COMMD1: variants seen among roughly 807,000 people sequenced by gnomAD.
The protein encoded by COMMD1 is copper metabolism domain containing 1, also known as COMM domain-containing protein 1.
Under a neutral mutation model 17.2 loss-of-function variants are expected in COMMD1, and 10 were observed. The ratio of observed to expected loss-of-function variants is 0.58; its 90% confidence interval spans 0.36 to 0.99. The LOEUF (loss-of-function observed/expected upper bound fraction) is 0.99. Among genes scored for constraint, COMMD1 ranks in the 50% least tolerant of loss-of-function variants. The pLI, the probability that COMMD1 is intolerant of heterozygous loss-of-function variation, is 0.01. For synonymous variants in COMMD1, 97 were observed against 91.6 expected (o/e 1.06, Z -0.34); for missense variants, 270 against 231.8 (o/e 1.17, Z -1.07).
intron 1 of COMMD1, among the ~76,000 whole-genome samples, chr2:61,893,106 A>G (rs375067084): frequency 3.3e-5 from 5 of 152,100 alleles, no homozygotes; most frequent in African/African-American, 9.7e-5. Context: ...ACCACAGGTG[A>G]TCTGCCCACC....
At chr2:62,073,682 G>A (rs758105234) in intron 2 of COMMD1, among the ~76,000 whole-genome samples, 2 of 152,034 alleles carry the variant, frequency 1.3e-5, no homozygotes, top group African/African-American at 4.8e-5. Flanking sequence ...CACTCAAATC[G>A]GCCCAGAATA....
chr2:62,119,966 GT>G (rs1467501331), intron 2 of COMMD1, among the ~76,000 whole-genome samples: 2 of 151,780 alleles, frequency 1.3e-5, no homozygotes, highest in Non-Finnish European at 2.9e-5. Context: ...GGATGACTTT[GT>G]TTATTTATTT....
intron 1 of COMMD1, among the ~76,000 whole-genome samples, chr2:61,900,295 T>TA (rs1289832110): frequency 6.6e-6 from 1 of 152,238 alleles, no homozygotes; most frequent in Non-Finnish European, 1.5e-5. Flanking sequence ...AGTGGGGACT[T>TA]ACAAGTTACA....
intron 2 of COMMD1, among the ~76,000 whole-genome samples, chr2:62,104,806 A>G (rs931218282): frequency 2.0e-5 from 3 of 152,082 alleles, no homozygotes; most frequent in Non-Finnish European, 2.9e-5. Context: ...TCTGTCTTCT[A>G]GGTTCAAGAA....
At position 62,131,787 on chromosome 2, in the gene COMMD1, C is replaced by T. The variant is rs181699788; in HGVS notation, c.463-4044C>T. 4.6e-5 allele frequency among the ~76,000 whole-genome samples: 7 copies of T among 152,246 alleles called. No individual in the cohort carries two copies. In the East Asian group the frequency reaches 1.3e-3, roughly 29 times the overall value. On this transcript the variant is annotated intron_variant, in intron 2 of 2. Coordinates refer to ENST00000311832, the MANE Select transcript of COMMD1 (RefSeq NM_152516.4). ...GAAACTCCTGGGCTCAAGCAATTCACCTGCCTCAGCCTCCCAAAGTGCTGG... is the reference window on the plus strand; with the variant it reads ...GAAACTCCTGGGCTCAAGCAATTCATCTGCCTCAGCCTCCCAAAGTGCTGG...
chr2:61,913,086 T>C (rs978413294), intron 1 of COMMD1, among the ~76,000 whole-genome samples: 2 of 150,356 alleles, frequency 1.3e-5, no homozygotes, highest in African/African-American at 4.9e-5. Flanking sequence ...AAGAAAAAAG[T>C]GGCCAGGTGC....
intron 2 of COMMD1, among the ~76,000 whole-genome samples, chr2:62,047,898 A>G (rs1352990498): frequency 1.3e-5 from 2 of 152,214 alleles, no homozygotes; most frequent in Admixed American, 1.3e-4. Context: ...CAAAGTGTTC[A>G]GTACAGTAAC....
intron 1 of COMMD1, among the ~76,000 whole-genome samples, chr2:61,939,258 C>T (rs987773128): frequency 2.7e-5 from 4 of 150,734 alleles, no homozygotes; most frequent in African/African-American, 7.3e-5. Flanking sequence ...TCAAGACCAC[C>T]CTGGCTAACA....
upstream of COMMD1, chr2:61,905,670 T>G (rs768510105): frequency 6.5e-7 from 1 of 1,545,064 alleles, no homozygotes; most frequent in East Asian, 2.4e-5. Context: ...GGCGGGGCCT[T>G]CGCAGAGCAT....
At chr2:62,015,119 T>C (rs1461914828) in intron 2 of COMMD1, among the ~76,000 whole-genome samples, 1 of 152,180 alleles carries the variant, frequency 6.6e-6, no homozygotes, top group Non-Finnish European at 1.5e-5. Flanking sequence ...TCACCACTAT[T>C]TGCAGATCTT....
At chr2:62,076,236 G>A (rs917900818) in intron 2 of COMMD1, among the ~76,000 whole-genome samples, 1 of 152,348 alleles carries the variant, frequency 6.6e-6, no homozygotes, top group South Asian at 2.1e-4. Flanking sequence ...CCTGTTGGAG[G>A]AAAAGAGCTG....
intron 2 of COMMD1, among the ~76,000 whole-genome samples, chr2:62,005,112 G>T (rs1669073878): frequency 6.6e-6 from 1 of 152,178 alleles, no homozygotes. Context: ...AATTACATAA[G>T]AATCTGTGGG....
intron 1 of COMMD1, among the ~76,000 whole-genome samples, chr2:61,954,678 T>C (rs1363987706): frequency 6.6e-6 from 1 of 151,500 alleles, no homozygotes; most frequent in African/African-American, 2.4e-5. Flanking sequence ...CTTCACTCTC[T>C]CTCTCTCTCT....
At chr2:62,107,933 G>A (rs578207238) in intron 2 of COMMD1, among the ~76,000 whole-genome samples, 1 of 152,152 alleles carries the variant, frequency 6.6e-6, no homozygotes, top group East Asian at 1.9e-4. Context: ...AGAATTCAAT[G>A]TCTTTCACAT....
intron 1 of COMMD1, among the ~76,000 whole-genome samples, chr2:61,996,253 C>G (rs1398131900): frequency 6.6e-6 from 1 of 151,938 alleles, no homozygotes; most frequent in East Asian, 1.9e-4. Flanking sequence ...GAGCCTTCAT[C>G]TAGTCATATT....
At chr2:62,129,349 A>G (rs1246345780) in intron 2 of COMMD1, among the ~76,000 whole-genome samples, 1 of 152,248 alleles carries the variant, frequency 6.6e-6, no homozygotes, top group African/African-American at 2.4e-5. Flanking sequence ...GACATGGAAT[A>G]AGACAGAGAA....
intron 1 of COMMD1, among the ~76,000 whole-genome samples, chr2:61,896,819 C>CTTTTTTTTTTTT (rs112184843): frequency 2.2e-5 from 3 of 137,188 alleles, no homozygotes; most frequent in Non-Finnish European, 3.2e-5. Context: ...TTTTCCTTTT[C>CTTTTTTTTTTTT]TTTTTTTTTT....
chr2:62,078,827 A>C (rs1006688052), intron 2 of COMMD1, among the ~76,000 whole-genome samples: 1 of 151,842 alleles, frequency 6.6e-6, no homozygotes, highest in Non-Finnish European at 1.5e-5. Context: ...CAGTGAGCCA[A>C]GATTGCGCCA....
chr2:61,916,539 A>G (rs1670055195), intron 1 of COMMD1, among the ~76,000 whole-genome samples: 1 of 152,090 alleles, frequency 6.6e-6, no homozygotes, highest in African/African-American at 2.4e-5. Context: ...TTCCTACTTC[A>G]GCCCCCTGAG....
Sources: allele counts gnomAD v4.1 joint callset (sites outside exome capture counted in the v4.1 genomes callset), GRCh38; gene constraint gnomAD v4.1.1; transcripts MANE v1.5; gene names NCBI Gene and HGNC (gene_info 2026-07-23, HGNC 2026-07-21).